UBE2E2: variants seen among roughly 807,000 people sequenced by gnomAD.
The protein encoded by UBE2E2 is ubiquitin-conjugating enzyme E2 E2.
A neutral mutation model predicts 24.7 loss-of-function variants in UBE2E2; 6 were observed. That is an observed-to-expected ratio of 0.24 (90% confidence interval 0.13 to 0.48). The LOEUF (loss-of-function observed/expected upper bound fraction) is 0.48. Among genes scored for constraint, UBE2E2 ranks in the 20% least tolerant of loss-of-function variants. UBE2E2 has a pLI of 0.99. For missense variants in UBE2E2, 169 were observed against 245.0 expected (o/e 0.69, Z 2.07); for synonymous variants, 104 against 83.6 (o/e 1.24, Z -1.33).
In UBE2E2 at chr3:23,404,787, T is replaced by C. The variant is rs148457343; in HGVS notation, c.228-94821T>C. ...TTTGCCAATGTATGTCTGTCTGTAC[T>C]TAATACTCCTATGGCAACAGGCAGA... On this transcript the variant is annotated intron_variant, in intron 3 of 5. Transcript: ENST00000396703. 7.1e-3 allele frequency among the ~76,000 whole-genome samples: 1,076 copies of C among 152,342 alleles called. 8 individuals are homozygous for C. Among genetic ancestry groups the C allele is most frequent in the Non-Finnish European group, 0.011 (753 of 68,036 alleles).
intron 3 of UBE2E2, among the ~76,000 whole-genome samples, chr3:23,338,213 A>G (rs1477836392): frequency 1.3e-5 from 2 of 152,222 alleles, no homozygotes; most frequent in Non-Finnish European, 2.9e-5. Context: ...TAACTGGCTC[A>G]TTAAAAACTT....
chr3:23,443,527 C>G (rs1432876825), intron 3 of UBE2E2, among the ~76,000 whole-genome samples: 1 of 152,164 alleles, frequency 6.6e-6, no homozygotes, highest in Non-Finnish European at 1.5e-5. Flanking sequence ...GTTTCTGTCT[C>G]CCATTGGCCA....
intron 3 of UBE2E2, among the ~76,000 whole-genome samples, chr3:23,304,590 T>C (rs1033846165): frequency 3.9e-5 from 6 of 152,200 alleles, no homozygotes; most frequent in Non-Finnish European, 7.4e-5. Flanking sequence ...ATACATTATT[T>C]TACTTGAAGT....
chr3:23,354,822 A>G (rs1044559471), intron 3 of UBE2E2, among the ~76,000 whole-genome samples: 37 of 152,308 alleles, frequency 2.4e-4, no homozygotes, highest in African/African-American at 8.7e-4. Flanking sequence ...ACAGTGTGGC[A>G]ATTCCTCAGG....
chr3:23,457,329 T>A (rs1353823597), intron 3 of UBE2E2, among the ~76,000 whole-genome samples: 4 of 152,172 alleles, frequency 2.6e-5, no homozygotes, highest in Non-Finnish European at 5.9e-5. Flanking sequence ...TTTTTTGAAA[T>A]AACAAAAGCT....
chr3:23,510,866 A>G (rs776417758), intron 4 of UBE2E2, among the ~76,000 whole-genome samples: 43 of 152,210 alleles, frequency 2.8e-4, no homozygotes, highest in Non-Finnish European at 5.9e-4. Flanking sequence ...TGAGTAAGAT[A>G]CAGCCCTGGA....
intron 3 of UBE2E2, among the ~76,000 whole-genome samples, chr3:23,355,050 T>TA (rs1189693527): frequency 9.2e-5 from 14 of 151,864 alleles, no homozygotes; most frequent in South Asian, 2.1e-4. Flanking sequence ...TATGCAGCCA[T>TA]AAAAAATGAT....
chr3:23,438,313 G>C (rs1698227619), intron 3 of UBE2E2, among the ~76,000 whole-genome samples: 1 of 152,076 alleles, frequency 6.6e-6, no homozygotes, highest in African/African-American at 2.4e-5. Context: ...AAGTGAGGGG[G>C]TCCAAATTAT....
chr3:23,297,492 T>G lies in UBE2E2; in HGVS notation c.227+80180T>G, dbSNP rs537134571. 3.1e-4 allele frequency among the ~76,000 whole-genome samples: 47 copies of G among 152,264 alleles called. 1 individual carries two copies. The highest frequency in any genetic ancestry group is 1.1e-3 in the African/African-American group (46 of 41,542). Reference sequence around the variant, plus strand: ...ATCTTGAATTAATTTTTGTATAAGGTGTAAGGAAGGGATGCAGTTTCAGCT... The same window carrying G: ...ATCTTGAATTAATTTTTGTATAAGGGGTAAGGAAGGGATGCAGTTTCAGCT... On this transcript the variant is annotated intron_variant, in intron 3 of 5. Transcript: ENST00000396703.
chr3:23,258,810 G>A lies in UBE2E2; in HGVS notation c.227+41498G>A, dbSNP rs527291498. 1.4e-4 allele frequency among the ~76,000 whole-genome samples: 20 copies of A among 148,088 alleles called. No homozygotes were observed. The South Asian group carries it at 3.7e-3, about 28-fold the overall frequency. ...CGGGAGGCTGAGGCAGGAGAATGGC[G>A]TGAACCCGGGAGGCGGAGCTTGCAT... On this transcript the variant is annotated intron_variant, in intron 3 of 5. Coordinates refer to ENST00000396703, the MANE Select transcript of UBE2E2 (RefSeq NM_152653.4).
intron 3 of UBE2E2, among the ~76,000 whole-genome samples, chr3:23,300,598 G>T (rs1255992765): frequency 6.6e-6 from 1 of 152,206 alleles, no homozygotes; most frequent in East Asian, 1.9e-4. Context: ...CTTTAAGAAT[G>T]TTGAATATTG....
intron 3 of UBE2E2, among the ~76,000 whole-genome samples, chr3:23,292,031 T>G (rs1266004683): frequency 2.0e-5 from 3 of 152,016 alleles, no homozygotes; most frequent in Non-Finnish European, 4.4e-5. Flanking sequence ...GCTAATTTTT[T>G]GTATTTTTAG....
At chr3:23,528,316 A>G (rs1218340269) in intron 4 of UBE2E2, among the ~76,000 whole-genome samples, 1 of 152,162 alleles carries the variant, frequency 6.6e-6, no homozygotes, top group Non-Finnish European at 1.5e-5. Context: ...TCTTAGTCTT[A>G]TTTGGAGAAA....
chr3:23,242,453 C>CT (rs1697284355), intron 3 of UBE2E2, among the ~76,000 whole-genome samples: 1 of 137,082 alleles, frequency 7.3e-6, no homozygotes, highest in Non-Finnish European at 1.5e-5. Flanking sequence ...AACAGAAAGA[C>CT]TATTTGTTAA....
chr3:23,253,873 A>G (rs1046788164), intron 3 of UBE2E2, among the ~76,000 whole-genome samples: 4 of 150,640 alleles, frequency 2.7e-5, no homozygotes, highest in Non-Finnish European at 5.9e-5. Context: ...CCCTAGAAAA[A>G]GATAATTTAT....
At chr3:23,273,027 T>G (rs1575523568) in intron 3 of UBE2E2, among the ~76,000 whole-genome samples, 1 of 152,250 alleles carries the variant, frequency 6.6e-6, no homozygotes, top group South Asian at 2.1e-4. Flanking sequence ...GGCAATTTGC[T>G]TCCAATTCAG....
intron 3 of UBE2E2, among the ~76,000 whole-genome samples, chr3:23,233,667 C>T (rs945547981): frequency 5.9e-5 from 9 of 152,054 alleles, no homozygotes; most frequent in African/African-American, 1.7e-4. Flanking sequence ...AACAAAAGAA[C>T]CTCATTATAA....
intron 3 of UBE2E2, among the ~76,000 whole-genome samples, chr3:23,294,251 A>C (rs1418635237): frequency 6.6e-6 from 1 of 152,228 alleles, no homozygotes; most frequent in African/African-American, 2.4e-5. Context: ...GATAAAAAGC[A>C]ATTCTCACCT....
chr3:23,502,895 A>C (rs1262108849), intron 4 of UBE2E2, among the ~76,000 whole-genome samples: 1 of 152,146 alleles, frequency 6.6e-6, no homozygotes, highest in South Asian at 2.1e-4. Context: ...CTTTTCTTGT[A>C]TGACATTGTC....
Sources: gnomAD v4.1 joint callset for allele counts (sites outside exome capture counted in the v4.1 genomes callset) on GRCh38, gnomAD v4.1.1 for gene constraint, MANE v1.5 for transcripts, NCBI Gene and HGNC (gene_info 2026-07-23, HGNC 2026-07-21) for gene names.